The following DNAJB6 variants were observed in gnomAD, a reference collection of about 807,000 sequenced individuals.
DNAJB6 encodes the protein DnaJ heat shock protein family (Hsp40) member B6, also known as dnaJ homolog subfamily B member 6.
Under a neutral mutation model 42.7 loss-of-function variants are expected in DNAJB6, and 16 were observed. The ratio of observed to expected loss-of-function variants is 0.37; its 90% confidence interval spans 0.25 to 0.57. The LOEUF (loss-of-function observed/expected upper bound fraction) is 0.57. DNAJB6 is among the 20% of genes least tolerant of loss of function. The pLI, the probability that DNAJB6 is intolerant of heterozygous loss-of-function variation, is 0.74. For synonymous variants in DNAJB6, 170 were observed against 163.5 expected, an observed-to-expected ratio of 1.04 and a Z score of -0.30; for missense variants, 347 against 416.8, an observed-to-expected ratio of 0.83 and a Z score of 1.46.
chr7:157,339,625 G>A (rs1798244467), intron 1 of DNAJB6, among the ~76,000 whole-genome samples: 1 of 112,882 alleles, frequency 8.9e-6, no homozygotes, highest in South Asian at 3.2e-4. Flanking sequence ...GTGTGTGTGT[G>A]TGTGTGTGTG....
At chr7:157,337,339 C>T (rs1798092116) in intron 1 of DNAJB6, among the ~76,000 whole-genome samples, 195 bp downstream of exon 1, 2 of 150,736 alleles carry the variant, frequency 1.3e-5, no homozygotes, top group Admixed American at 6.6e-5. Flanking sequence ...TGGGTCAGGT[C>T]TGGGGCCGGG....
intron 7 of DNAJB6, 72 bp downstream of exon 7, chr7:157,385,080 CTCCCAG>C: frequency 1.3e-6 from 2 of 1,501,212 alleles, no homozygotes; most frequent in Non-Finnish European, 1.8e-6. Flanking sequence ...TGTTGCACGT[CTCCCAG>C]AGTGTGAAGT....
chr7:157,343,694 C>G (rs530048595), intron 1 of DNAJB6, among the ~76,000 whole-genome samples: 13 of 152,144 alleles, frequency 8.5e-5, no homozygotes, highest in Non-Finnish European at 1.9e-4. Flanking sequence ...GGTGATCCAC[C>G]TGCCATGGCC....
At chr7:157,360,376 TG>T (rs1339163564) in intron 2 of DNAJB6, among the ~76,000 whole-genome samples, 6 of 152,166 alleles carry the variant, frequency 3.9e-5, no homozygotes, top group African/African-American at 1.4e-4. Flanking sequence ...GCATAACACC[TG>T]GGAGTTCTGG....
intron 1 of DNAJB6, among the ~76,000 whole-genome samples, chr7:157,345,747 G>C (rs1185693822): frequency 6.6e-6 from 1 of 152,152 alleles, no homozygotes; most frequent in African/African-American, 2.4e-5. Context: ...GATTTAAATA[G>C]CTGCATTTGG....
At chr7:157,356,585 A>G (rs1799290038) in intron 1 of DNAJB6, among the ~76,000 whole-genome samples, 1 of 152,142 alleles carries the variant, frequency 6.6e-6, no homozygotes, top group African/African-American at 2.4e-5. Flanking sequence ...CTAATATTTT[A>G]TATTGATTAT....
intron 2 of DNAJB6, among the ~76,000 whole-genome samples, chr7:157,362,380 T>A (rs1799645590): frequency 6.6e-6 from 1 of 152,094 alleles, no homozygotes; most frequent in Admixed American, 6.6e-5. Flanking sequence ...TTTCCCTTTT[T>A]AAAAATTTTT....
intron 2 of DNAJB6, among the ~76,000 whole-genome samples, chr7:157,360,147 G>T (rs1400364186): frequency 6.6e-6 from 1 of 152,206 alleles, no homozygotes; most frequent in East Asian, 1.9e-4. Context: ...GGGAAGAAAA[G>T]GAGGTTTAAT....
chr7:157,339,864 T>G (rs1053410231), intron 1 of DNAJB6: 1 of 152,272 alleles, frequency 6.6e-6, no homozygotes, highest in African/African-American at 2.4e-5. Flanking sequence ...TGACCTCAGG[T>G]GATCCACCCG....
intron 8 of DNAJB6, chr7:157,386,318 A>G (rs1001638718): frequency 2.5e-5 from 25 of 984,204 alleles, no homozygotes; most frequent in Admixed American, 6.2e-5. Context: ...CCTGAGTGGG[A>G]TCTGGAGCTT....
chr7:157,356,934 A>G (rs1479145334), intron 1 of DNAJB6, among the ~76,000 whole-genome samples: 2 of 152,062 alleles, frequency 1.3e-5, no homozygotes, highest in Non-Finnish European at 2.9e-5. Flanking sequence ...AATGTAGTTT[A>G]TATACATCTA....
chr7:157,408,408 C>T (rs868574353), intron 8 of DNAJB6, among the ~76,000 whole-genome samples: 2 of 152,204 alleles, frequency 1.3e-5, no homozygotes, highest in South Asian at 2.1e-4. Flanking sequence ...GCCCTGTGGG[C>T]GCCGTGCTGT....
chr7:157,402,841 G>A (rs1046786447), intron 8 of DNAJB6, among the ~76,000 whole-genome samples: 1 of 152,208 alleles, frequency 6.6e-6, no homozygotes, highest in African/African-American at 2.4e-5. Flanking sequence ...AGTCATCACC[G>A]TGGGCCACGG....
chr7:157,391,103 T>C (rs1801318964), intron 8 of DNAJB6, among the ~76,000 whole-genome samples: 1 of 152,196 alleles, frequency 6.6e-6, no homozygotes, highest in African/African-American at 2.4e-5. Flanking sequence ...CCCAGAGTGC[T>C]GGGATCACAG....
At chr7:157,341,756 C>A (rs915968311) in intron 1 of DNAJB6, among the ~76,000 whole-genome samples, 1 of 152,152 alleles carries the variant, frequency 6.6e-6, no homozygotes, top group Non-Finnish European at 1.5e-5. Flanking sequence ...GAATTAGATT[C>A]TTTCTAGTTT....
In DNAJB6 at chr7:157,387,093, T is replaced by C. The variant is rs1033533264; in HGVS notation, c.691+1482T>C. Among the ~76,000 whole-genome samples the C allele has an allele frequency of 2.0e-5, 3 of 152,198 alleles. No individual in the cohort carries two copies. In the South Asian group the frequency reaches 6.2e-4, roughly 31 times the overall value. ...CTGACAAACAGCGTAGCGTGTTCCA[T>C]CCGTGCTGGCTTTGCAGGAGGGCAT... On this transcript the variant is annotated intron_variant, in intron 8 of 9. Transcript: ENST00000262177.
chr7:157,408,025 A>G (rs1047713893), intron 8 of DNAJB6, among the ~76,000 whole-genome samples: 11 of 152,134 alleles, frequency 7.2e-5, no homozygotes, highest in African/African-American at 2.7e-4. Context: ...ACGTCATAGA[A>G]TCGCAGACAG....
chr7:157,348,516 C>T (rs939586815), intron 1 of DNAJB6, among the ~76,000 whole-genome samples: 1 of 152,226 alleles, frequency 6.6e-6, no homozygotes, highest in African/African-American at 2.4e-5. Context: ...GGACCCTAAA[C>T]AGTTTCCTAA....
chr7:157,393,352 C>T (rs1018379943), intron 8 of DNAJB6, among the ~76,000 whole-genome samples: 1 of 152,138 alleles, frequency 6.6e-6, no homozygotes, highest in African/African-American at 2.4e-5. Flanking sequence ...CTAATTTTTA[C>T]CCTTATTTTT....
Sources: allele counts gnomAD v4.1 joint callset (sites outside exome capture counted in the v4.1 genomes callset), GRCh38; gene constraint gnomAD v4.1.1; transcripts MANE v1.5; gene names NCBI Gene and HGNC (gene_info 2026-07-23, HGNC 2026-07-21).